The following DHX37 variants were observed in gnomAD, a reference collection of about 807,000 sequenced individuals.
DHX37 encodes probable ATP-dependent RNA helicase DHX37.
DHX37 carries 52 observed loss-of-function variants against 134.3 expected under a neutral mutation model. That is an observed-to-expected ratio of 0.39 (90% CI 0.31 to 0.49). The LOEUF (loss-of-function observed/expected upper bound fraction) is 0.49. DHX37 is among the 20% of genes least tolerant of loss of function. The pLI, the probability that DHX37 is intolerant of heterozygous loss-of-function variation, is 0.93. For synonymous variants in DHX37, 634 were observed against 670.7 expected, an observed-to-expected ratio of 0.95 and a Z score of 0.85; for missense variants, 1,344 against 1,580.8, an observed-to-expected ratio of 0.85 and a Z score of 2.54.
At chr12:124,948,773 A>C in intron 25 of DHX37, among the ~76,000 whole-genome samples, 1 of 94,376 alleles carries the variant, frequency 1.1e-5, no homozygotes, top group Non-Finnish European at 2.4e-5. Flanking sequence ...AACAAACAAA[A>C]CTCAAAAGCA....
chr12:124,982,319 G>A (rs924169904), intron 3 of DHX37, among the ~76,000 whole-genome samples, 192 bp downstream of exon 3: 3 of 152,084 alleles, frequency 2.0e-5, no homozygotes, highest in African/African-American at 4.8e-5. Context: ...CCTGTGTGTC[G>A]CAGAAGGTTC....
At chr12:124,988,453 G>T (rs1449582687) in intron 1 of DHX37, among the ~76,000 whole-genome samples, 14 of 151,848 alleles carry the variant, frequency 9.2e-5, no homozygotes, top group African/African-American at 3.4e-4. Context: ...GTAAACTCAG[G>T]GATTTTCTAA....
intron 12 of DHX37, among the ~76,000 whole-genome samples, chr12:124,966,339 AT>A (rs1954386820): frequency 6.6e-6 from 1 of 152,148 alleles, no homozygotes; most frequent in Non-Finnish European, 1.5e-5. Flanking sequence ...AAGTGCTGGG[AT>A]TACAGGCGTA....
chr12:124,960,392 C>G lies in DHX37; in HGVS notation c.2077G>C (p.Glu693Gln). 1.2e-6 allele frequency: 2 copies of G among 1,614,044 alleles called. No homozygotes were observed. The highest frequency in any genetic ancestry group is 1.3e-5 in the African/African-American group (1 of 75,004). ...LYSSAVFGDF[E>Q]QFPPPEITRR... ...GTGATTTCTGGAGGAGGAAACTGCTCGAAGTCACCAAAAACCGCAGATGAA... is the reference window on the plus strand; with the variant it reads ...GTGATTTCTGGAGGAGGAAACTGCTGGAAGTCACCAAAAACCGCAGATGAA... Residue 693 changes from glutamate (E) to glutamine (Q), a missense_variant, in exon 16 of 27, where the codon GAG becomes CAG. By Grantham distance (29) the Glu-to-Gln change is conservative (BLOSUM62 2). Transcript: ENST00000308736.
chr12:124,988,180 TG>T, intron 1 of DHX37, among the ~76,000 whole-genome samples: 1 of 151,878 alleles, frequency 6.6e-6, no homozygotes, highest in East Asian at 1.9e-4. Context: ...CTCCCATGGC[TG>T]CCCTCTCCCG....
chr12:124,975,538 A>G lies in DHX37; in HGVS notation c.888-27T>C, dbSNP rs749494310. 2.6e-5 allele frequency: 42 copies of G among 1,608,950 alleles called. No individual in the cohort carries two copies. In the South Asian group the frequency reaches 4.5e-4, roughly 17 times the overall value. On this transcript the variant is annotated intron_variant, in intron 5 of 26. Coordinates refer to ENST00000308736, the MANE Select transcript of DHX37 (RefSeq NM_032656.4). ...TGGGGGAGGAAGAACATGGCCATCA[A>G]CAGTGCGCGGCCCCACCTGTTCATG...
chr12:124,958,891 T>C (rs1594480319), intron 16 of DHX37, among the ~76,000 whole-genome samples: 2 of 149,866 alleles, frequency 1.3e-5, no homozygotes, highest in African/African-American at 4.9e-5. Context: ...CCCAAAGTGC[T>C]GTGAGCCAAT....
In DHX37 at chr12:124,988,969, G is replaced by C; in HGVS notation, c.54C>G (p.Pro18=). The C allele has an allele frequency of 1.5e-6, 2 of 1,352,638 alleles. No homozygotes were observed. The highest frequency in any genetic ancestry group is 1.9e-6 in the Non-Finnish European group (2 of 1,043,844). 83.8% of individuals were successfully genotyped at this position (1,352,638 alleles called of 1,614,324 possible). A position where few individuals can be genotyped will look rare whatever the true frequency, so the allele number is the denominator to read the frequency against. The part of the protein sequence containing the change: ...YNIKGRQQAG[P]GPSKGPPEPP... ...GCTCGGGGGGGCCCTTCGAGGGTCC[G>C]GGGCCCGCCTGCTGGCGCCCCTTGA... is the stretch of plus-strand genomic sequence containing the variant. Residue 18 remains proline (P), a synonymous_variant, in exon 1 of 27, where the codon CCC becomes CCG. Transcript: ENST00000308736.
At position 124,953,985 on chromosome 12, in the gene DHX37, C is replaced by A. The variant is rs1468604657; in HGVS notation, c.2590G>T (p.Ala864Ser). ...DLMVLLGAVGACEYASCTPQF... is the reference protein window; with the variant it reads ...DLMVLLGAVGSCEYASCTPQF... Reference sequence around the variant, plus strand: ...GGTGTGCAGCTGGCATACTCACAGGCTCCCACGGCGCCTGGGGAACGAAGA... The same window carrying A: ...GGTGTGCAGCTGGCATACTCACAGGATCCCACGGCGCCTGGGGAACGAAGA... The change falls in exon 20 of 27, where the codon GCC (alanine) becomes TCC (serine). Residue 864 changes from alanine (A) to serine (S), a missense_variant. Physicochemically the swap from Ala to Ser is moderately conservative, Grantham distance 99. Transcript: ENST00000308736. 6.2e-7 allele frequency: 1 copy of A among 1,613,666 alleles called. No individual in the cohort carries two copies.
intron 3 of DHX37, among the ~76,000 whole-genome samples, chr12:124,981,987 G>T (rs1954770267): frequency 6.6e-6 from 1 of 151,932 alleles, no homozygotes; most frequent in Admixed American, 6.6e-5. Flanking sequence ...GCCGGGCTTG[G>T]TGGTGCATGC....
rs1179445546 is a variant in DHX37, at chr12:124,980,047, G to C, written c.738+443C>G. Among the ~76,000 whole-genome samples the C allele has an allele frequency of 6.6e-6, 1 of 152,228 alleles. No individual in the cohort carries two copies. The highest frequency in any genetic ancestry group is 1.5e-5 in the Non-Finnish European group (1 of 68,030). ...CCCAGTGAGACACTCATTGTACCAG[G>C]AAGGAAACAGGCACAGAGAGGGGGA... On this transcript the variant is annotated intron_variant, in intron 4 of 26. Transcript: ENST00000308736. The surrounding 1 kb of genome is among the most constrained non-coding windows in gnomAD (Gnocchi z 5.3).
intron 6 of DHX37, among the ~76,000 whole-genome samples, chr12:124,974,548 G>A (rs1449910633): frequency 5.3e-5 from 8 of 149,714 alleles, no homozygotes; most frequent in African/African-American, 1.5e-4. Flanking sequence ...GAGAGCCCAG[G>A]ATGGGCCTGG....
Position 124,956,861 on chromosome 12 carries a change from C to T in DHX37, c.2283G>A (p.Glu761=). 6.3e-7 allele frequency: 1 copy of T among 1,596,012 alleles called. No homozygotes were observed. The highest frequency in any genetic ancestry group is 8.6e-7 in the Non-Finnish European group (1 of 1,167,192). ...QKAERVKQLQ[E]NRLSCPITAL... is the part of the protein sequence containing the mutation. The stretch of plus-strand genomic sequence containing the variant: ...CAGTGATGGGGCAGCTCAGCCGGTT[C>T]TCCTGCAGTTGCTTCACCCTGGAGA... The change falls in exon 18 of 27, where the codon GAG becomes GAA. Residue 761 remains glutamate, a synonymous_variant. Transcript: ENST00000308736.
chr12:124,965,087 C>A, intron 13 of DHX37, 81 bp from the exon 14 acceptor site: 6 of 1,443,950 alleles, frequency 4.2e-6, no homozygotes, highest in Non-Finnish European at 5.7e-6. Flanking sequence ...GGCCCTGCAC[C>A]CCCAGGCTGC....
At chr12:124,982,752 T>C in intron 2 of DHX37, 129 bp from the exon 3 acceptor site, 1 of 1,277,550 alleles carries the variant, frequency 7.8e-7, no homozygotes, top group Non-Finnish European at 1.1e-6. Flanking sequence ...CAAATTGCAA[T>C]TCTACTGGTG....
At chr12:124,963,624 CTT>C (rs1954313915) in intron 15 of DHX37, among the ~76,000 whole-genome samples, 1 of 151,498 alleles carries the variant, frequency 6.6e-6, no homozygotes, top group Non-Finnish European at 1.5e-5. Flanking sequence ...GATCCCAACA[CTT>C]TGGGAGGCCG....
intron 15 of DHX37, among the ~76,000 whole-genome samples, chr12:124,962,615 C>G (rs1954289435): frequency 6.6e-6 from 1 of 152,152 alleles, no homozygotes; most frequent in African/African-American, 2.4e-5. Flanking sequence ...GAGATTGAAC[C>G]ATTGCATTCT....
intron 2 of DHX37, among the ~76,000 whole-genome samples, chr12:124,983,768 G>A (rs1422757381): frequency 7.0e-6 from 1 of 143,224 alleles, no homozygotes; most frequent in Non-Finnish European, 1.5e-5. Flanking sequence ...CTGGGCAACA[G>A]AGCAAGACCT....
intron 15 of DHX37, among the ~76,000 whole-genome samples, chr12:124,963,929 T>G (rs1413995500): frequency 7.0e-6 from 1 of 143,538 alleles, no homozygotes; most frequent in Admixed American, 7.1e-5. Context: ...AGGCCAGGCA[T>G]GGTGGCTCAC....
Sources: gnomAD v4.1 joint callset for allele counts (sites outside exome capture counted in the v4.1 genomes callset) on GRCh38, gnomAD v4.1.1 for gene constraint, Gnocchi (gnomAD v3.1) non-coding constraint, MANE v1.5 for transcripts, NCBI Gene and HGNC (gene_info 2026-07-23, HGNC 2026-07-21) for gene names.